STK32C: variants seen among roughly 807,000 people sequenced by gnomAD.
The protein encoded by STK32C is serine/threonine kinase 32C, also known as serine/threonine-protein kinase 32C.
A neutral mutation model predicts 56.5 loss-of-function variants in STK32C; 31 were observed. The observed-to-expected ratio is 0.55, with a 90% confidence interval of 0.41 to 0.74. The LOEUF is 0.74. Among genes scored for constraint, STK32C ranks in the 30% least tolerant of loss-of-function variants. The probability of loss-of-function intolerance (pLI) is 0.00; values close to 1 mark genes in which losing one functional copy is unlikely to be tolerated. For synonymous variants in STK32C, 309 were observed against 289.4 expected (o/e 1.07, Z -0.69); for missense variants, 544 against 676.9 (o/e 0.80, Z 2.18).
Position 132,225,215 on chromosome 10 carries a change from G to T in STK32C, c.876+18C>A, listed in dbSNP as rs577068594. The T allele has an allele frequency of 4.4e-6, 7 of 1,580,472 alleles. No homozygotes were observed. Among genetic ancestry groups the T allele is most frequent in the Middle Eastern group, 1.7e-4 (1 of 5,922 alleles). On this transcript the variant is annotated intron_variant, in intron 7 of 11. Coordinates refer to ENST00000298630, the MANE Select transcript of STK32C (RefSeq NM_173575.4). ...AGGGGCCTGGCAGCCAAGCCCAGGG[G>T]CTGCAGGGGGTCCATACCCATCCTC...
At chr10:132,253,213 C>T (rs564647314) in intron 1 of STK32C, among the ~76,000 whole-genome samples, 2 of 152,336 alleles carry the variant, frequency 1.3e-5, no homozygotes, top group Admixed American at 1.3e-4. Context: ...AGCACTCCAA[C>T]GCAATTGTTT....
At position 132,225,602 on chromosome 10, in the gene STK32C, T is replaced by G; in HGVS notation, c.697A>C (p.Thr233Pro). 1 of 1,613,448 alleles carries G rather than the reference T, an allele frequency of 6.2e-7. No individual in the cohort carries two copies. The highest frequency in any genetic ancestry group is 8.5e-7 in the Non-Finnish European group (1 of 1,179,650). Residue 233 changes from threonine to proline, a missense_variant, in exon 6 of 12, where the codon ACC (threonine) becomes CCC (proline). Coordinates refer to ENST00000298630, the MANE Select transcript of STK32C (RefSeq NM_173575.4). ...LLDERGHAHL[T>P]DFNIATIIKD... ...ATGATGGTGGCAATGTTGAAGTCGG[T>G]CAGGTGTGCATGTCCTGTGCAGAGA...
chr10:132,267,770 C>T (rs12761557), intron 1 of STK32C, among the ~76,000 whole-genome samples: 677 of 60,054 alleles, frequency 0.011, 187 homozygotes, highest in Non-Finnish European at 0.013. Flanking sequence ...CATGCATGTG[C>T]ATGCAGGTTC....
In STK32C at chr10:132,222,972, G is replaced by A; in HGVS notation, c.1008C>T (p.Asn336=). 6.4e-7 allele frequency: 1 copy of A among 1,550,578 alleles called. No homozygotes were observed. The highest frequency in any genetic ancestry group is 1.2e-5 in the South Asian group (1 of 84,646). ...VALLRKLLTV[N]PEHRLSSLQD... Reference sequence around the variant, plus strand: ...GGAGGCTGGAGAGCCGGTGCTCGGGGTTCACAGTGAGGAGCTGCAACCAGG... The same window carrying A: ...GGAGGCTGGAGAGCCGGTGCTCGGGATTCACAGTGAGGAGCTGCAACCAGG... The change falls in exon 9 of 12, where the codon AAC becomes AAT. Residue 336 remains asparagine, a synonymous_variant. Coordinates refer to ENST00000298630, the MANE Select transcript of STK32C (RefSeq NM_173575.4).
At chr10:132,220,486 C>T (rs1444597286) in intron 10 of STK32C, among the ~76,000 whole-genome samples, 2 of 152,190 alleles carry the variant, frequency 1.3e-5, no homozygotes, top group Non-Finnish European at 1.5e-5. Context: ...ACATGGAACA[C>T]GAACCACGTC....
intron 1 of STK32C, among the ~76,000 whole-genome samples, chr10:132,262,640 C>T (rs993739451): frequency 2.0e-5 from 3 of 151,004 alleles, no homozygotes; most frequent in South Asian, 2.1e-4. Context: ...CAGCTGGGCA[C>T]AGTGGCTCAC....
rs114552337 is a variant in STK32C, at chr10:132,234,958, C to T, written c.319-6830G>A. Among the ~76,000 whole-genome samples the T allele has an allele frequency of 3.6e-3, 544 of 152,324 alleles. 4 individuals are homozygous for T. The highest frequency in any genetic ancestry group is 0.013 in the African/African-American group (530 of 41,570). Reference sequence around the variant, plus strand: ...ACCTAGGGCAGGGATACACATTGTACAGGGGGCACCAGACACACGGTTGGG... The same window carrying T: ...ACCTAGGGCAGGGATACACATTGTATAGGGGGCACCAGACACACGGTTGGG... On this transcript the variant is annotated intron_variant, in intron 2 of 11. Coordinates refer to ENST00000298630, the MANE Select transcript of STK32C (RefSeq NM_173575.4).
Position 132,261,340 on chromosome 10 carries a change from C to T in STK32C, c.263-15385G>A, listed in dbSNP as rs1416346424. 7.9e-5 allele frequency among the ~76,000 whole-genome samples: 12 copies of T among 152,202 alleles called. 1 individual carries two copies. The highest frequency in any genetic ancestry group is 6.5e-4 in the Admixed American group (10 of 15,282). On this transcript the variant is annotated intron_variant, in intron 1 of 11. Coordinates refer to ENST00000298630, the MANE Select transcript of STK32C (RefSeq NM_173575.4). ...CCACAGCATTTTTATACACCAATAA[C>T]ATTCAAGCTGAGAACCAAATCAAGA...
intron 11 of STK32C, 64 bp downstream of exon 11, chr10:132,208,970 C>T (rs2062197798): frequency 6.5e-7 from 1 of 1,532,952 alleles, no homozygotes; most frequent in East Asian, 2.3e-5. Flanking sequence ...GCCAAGAAAA[C>T]CTTAACCTTA....
intron 11 of STK32C, 94 bp from the exon 12 acceptor site, chr10:132,208,245 G>A (rs745627623): frequency 6.4e-6 from 8 of 1,247,904 alleles, no homozygotes; most frequent in Non-Finnish European, 8.1e-6. Context: ...GGTAGGCCAT[G>A]GCGTGGATGC....
intron 1 of STK32C, among the ~76,000 whole-genome samples, chr10:132,292,369 A>G (rs2065593184): frequency 6.6e-6 from 1 of 151,930 alleles, no homozygotes; most frequent in Non-Finnish European, 1.5e-5. Context: ...ATGCTCACAC[A>G]CTCACCACAT....
At chr10:132,249,072 C>T (rs765766422) in intron 1 of STK32C, 18 of 477,480 alleles carry the variant, frequency 3.8e-5, no homozygotes, top group South Asian at 2.7e-4. Context: ...GCGGCTCCGG[C>T]AGAGGCTCCC....
chr10:132,239,811 G>A (rs67836060), intron 2 of STK32C, among the ~76,000 whole-genome samples: 5,257 of 152,318 alleles, frequency 0.035, 127 homozygotes, highest in Middle Eastern at 0.071. Context: ...CGGCACATAG[G>A]CCCGGGTTCC....
intron 2 of STK32C, among the ~76,000 whole-genome samples, chr10:132,244,401 G>C (rs1250639562): frequency 6.6e-6 from 1 of 152,240 alleles, no homozygotes; most frequent in Non-Finnish European, 1.5e-5. Flanking sequence ...GCAGGGCTGA[G>C]GCTGCCCACC....
intron 1 of STK32C, chr10:132,249,056 G>T (rs769624545): frequency 2.1e-6 from 1 of 476,784 alleles, no homozygotes; most frequent in South Asian, 1.6e-5. Flanking sequence ...CTGTGCGACG[G>T]AGGCGGCGGC....
chr10:132,225,512 C>T lies in STK32C; in HGVS notation c.772+15G>A, dbSNP rs1241829199. 3.7e-6 allele frequency: 6 copies of T among 1,613,722 alleles called. No homozygotes were observed. The Admixed American group carries it at 6.7e-5, about 18-fold the overall frequency. ...AGGAAGCCAGCTCCCATCTGGAACCCCAGCTCGGGCTCACCCATGTACGGC... is the reference window on the plus strand; with the variant it reads ...AGGAAGCCAGCTCCCATCTGGAACCTCAGCTCGGGCTCACCCATGTACGGC... On this transcript the variant is annotated intron_variant, in intron 6 of 11. Coordinates refer to ENST00000298630, the MANE Select transcript of STK32C (RefSeq NM_173575.4).
chr10:132,282,337 TC>T (rs1165435145), intron 1 of STK32C, among the ~76,000 whole-genome samples: 1 of 152,170 alleles, frequency 6.6e-6, no homozygotes, highest in Non-Finnish European at 1.5e-5. Flanking sequence ...TGGAATAAAG[TC>T]CTCTCTGAGA....
chr10:132,241,241 G>A (rs1409907299), intron 2 of STK32C, among the ~76,000 whole-genome samples: 7 of 152,222 alleles, frequency 4.6e-5, no homozygotes, highest in Non-Finnish European at 4.4e-5. Flanking sequence ...AAGCACAGCC[G>A]TGGCTCCAAA....
At chr10:132,298,296 C>T (rs2065813663) in intron 1 of STK32C, among the ~76,000 whole-genome samples, 1 of 152,366 alleles carries the variant, frequency 6.6e-6, no homozygotes, top group Non-Finnish European at 1.5e-5. Flanking sequence ...CCAGCCCAGG[C>T]CTAAGCCTCA....
Sources: gnomAD v4.1 joint callset for allele counts (sites outside exome capture counted in the v4.1 genomes callset) on GRCh38, gnomAD v4.1.1 for gene constraint, MANE v1.5 for transcripts, NCBI Gene and HGNC (gene_info 2026-07-23, HGNC 2026-07-21) for gene names.